IPMK: variants seen among roughly 807,000 people sequenced by gnomAD.
IPMK encodes the protein inositol 1,3,4,6-tetrakisphosphate 5-kinase.
A neutral mutation model predicts 45.8 loss-of-function variants in IPMK; 17 were observed. That is an observed-to-expected ratio of 0.37 (90% confidence interval 0.25 to 0.56). The LOEUF (loss-of-function observed/expected upper bound fraction) is 0.56. Ranked by LOEUF, IPMK falls within the 20% of genes least tolerant of loss-of-function variation. IPMK has a pLI of 0.79. For synonymous variants in IPMK, 180 were observed against 184.3 expected (o/e 0.98, Z 0.19); for missense variants, 399 against 498.0 (o/e 0.80, Z 1.89).
chr10:58,212,304 A>T (rs1014954793), intron 4 of IPMK, among the ~76,000 whole-genome samples: 3 of 152,232 alleles, frequency 2.0e-5, no homozygotes, highest in African/African-American at 7.2e-5. Flanking sequence ...TATGTATTAA[A>T]GTAAAAGGTA....
chr10:58,197,032 G>A (rs1034872435), intron 5 of IPMK, among the ~76,000 whole-genome samples: 15 of 152,194 alleles, frequency 9.9e-5, no homozygotes, highest in African/African-American at 3.4e-4. Context: ...TGGGCACGGT[G>A]GCTCACGCCT....
At chr10:58,242,200 G>A (rs1838704996) in intron 1 of IPMK, among the ~76,000 whole-genome samples, 1 of 152,134 alleles carries the variant, frequency 6.6e-6, no homozygotes, top group Non-Finnish European at 1.5e-5. Context: ...TGTTAAAGCT[G>A]TAATAGAAAA....
intron 3 of IPMK, among the ~76,000 whole-genome samples, chr10:58,225,547 A>C (rs1446247044): frequency 1.3e-5 from 2 of 152,148 alleles, no homozygotes; most frequent in African/African-American, 4.8e-5. Context: ...CTCTTATCCA[A>C]ATTCTTTCTG....
chr10:58,213,810 AG>A (rs1161360281), intron 4 of IPMK, among the ~76,000 whole-genome samples: 1 of 152,202 alleles, frequency 6.6e-6, no homozygotes, highest in Non-Finnish European at 1.5e-5. Context: ...TGTTTCAAGG[AG>A]GGTGTGGCTG....
chr10:58,267,161 T>TG (rs975657204), intron 1 of IPMK, among the ~76,000 whole-genome samples: 1 of 152,166 alleles, frequency 6.6e-6, no homozygotes, highest in Admixed American at 6.5e-5. Flanking sequence ...CCAACCTCCC[T>TG]GGGGGGTGGG....
At chr10:58,238,930 C>A (rs1398357514) in intron 1 of IPMK, among the ~76,000 whole-genome samples, 1 of 151,282 alleles carries the variant, frequency 6.6e-6, no homozygotes, top group Non-Finnish European at 1.5e-5. Flanking sequence ...TAGTCTGTGG[C>A]TGGAAGAGTT....
chr10:58,243,476 T>C (rs1339019147), intron 1 of IPMK, among the ~76,000 whole-genome samples: 1 of 152,176 alleles, frequency 6.6e-6, no homozygotes, highest in African/African-American at 2.4e-5. Context: ...CTCGGGTGAT[T>C]CTCCTGCCTC....
intron 2 of IPMK, among the ~76,000 whole-genome samples, chr10:58,230,260 G>C (rs548529361): frequency 6.6e-6 from 1 of 152,344 alleles, no homozygotes; most frequent in African/African-American, 2.4e-5. Context: ...AACTTCTGCA[G>C]ACTTAAACGT....
chr10:58,198,088 G>C (rs1837936224), intron 5 of IPMK, among the ~76,000 whole-genome samples: 1 of 152,104 alleles, frequency 6.6e-6, no homozygotes, highest in Admixed American at 6.5e-5. Flanking sequence ...CTCATTTAGA[G>C]CTAACTAAAA....
At chr10:58,201,499 T>C (rs1360888695) in intron 4 of IPMK, among the ~76,000 whole-genome samples, 2 of 152,220 alleles carry the variant, frequency 1.3e-5, no homozygotes, top group East Asian at 3.8e-4. Context: ...GATAAATATG[T>C]GTGTCCTGAC....
At chr10:58,208,791 C>T (rs888644949) in intron 4 of IPMK, among the ~76,000 whole-genome samples, 3 of 152,130 alleles carry the variant, frequency 2.0e-5, no homozygotes, top group Non-Finnish European at 1.5e-5. Context: ...TTGATGATTC[C>T]GGCTTCAGGC....
intron 4 of IPMK, among the ~76,000 whole-genome samples, chr10:58,203,291 G>A (rs1838022957): frequency 6.6e-6 from 1 of 152,154 alleles, no homozygotes; most frequent in Admixed American, 6.5e-5. Flanking sequence ...AACCGTGAAT[G>A]GATGAACAGT....
chr10:58,198,594 AC>A (rs1332625049), intron 5 of IPMK, among the ~76,000 whole-genome samples: 1 of 152,198 alleles, frequency 6.6e-6, no homozygotes, highest in East Asian at 1.9e-4. Context: ...TCTTCTACAA[AC>A]TTTTTACACT....
At position 58,216,132 on chromosome 10, in the gene IPMK, T is replaced by C. The variant is rs772437646; in HGVS notation, c.546+13A>G. On this transcript the variant is annotated intron_variant, in intron 4 of 5. Transcript: ENST00000373935. ...CAGAGAAATGTGCATATTATACTAA[T>C]AAGCACTCTTACCCTCATGCCAAGC... 39 of 1,561,978 alleles carry C rather than the reference T, an allele frequency of 2.5e-5. No homozygotes were observed. The Admixed American group carries it at 4.2e-4, about 17-fold the overall frequency.
At chr10:58,214,391 TA>T (rs374959025) in intron 4 of IPMK, among the ~76,000 whole-genome samples, 28 of 152,172 alleles carry the variant, frequency 1.8e-4, no homozygotes, top group African/African-American at 6.8e-4. Context: ...AGTCATCTGC[TA>T]AAAGTCAGAA....
At chr10:58,221,799 A>G (rs1364864879) in intron 3 of IPMK, among the ~76,000 whole-genome samples, 1 of 150,668 alleles carries the variant, frequency 6.6e-6, no homozygotes, top group Non-Finnish European at 1.5e-5. Flanking sequence ...CCCAGGCTGG[A>G]GTGCAGTGGT....
At chr10:58,236,740 C>T (rs1416650769) in intron 2 of IPMK, among the ~76,000 whole-genome samples, 1 of 143,750 alleles carries the variant, frequency 7.0e-6, no homozygotes, top group Non-Finnish European at 1.5e-5. Context: ...CCTCTCTCTA[C>T]AAAAAAAAAA....
At position 58,267,412 on chromosome 10, in the gene IPMK, C is replaced by G; in HGVS notation, c.190+10G>C. 6.2e-7 allele frequency: 1 copy of G among 1,612,976 alleles called. No individual in the cohort carries two copies. ...AGGGGAGCGGCGAGACCTATGCCAC[C>G]CCCACTTACCCACTTTGTCCTTCCC... On this transcript the variant is annotated intron_variant, in intron 1 of 5. Transcript: ENST00000373935.
At chr10:58,248,986 C>T (rs1838844714) in intron 1 of IPMK, among the ~76,000 whole-genome samples, 1 of 152,200 alleles carries the variant, frequency 6.6e-6, no homozygotes, top group Admixed American at 6.5e-5. Flanking sequence ...AATATAGCTA[C>T]AATAAACAGG....
Sources: allele counts gnomAD v4.1 joint callset (sites outside exome capture counted in the v4.1 genomes callset), GRCh38; gene constraint gnomAD v4.1.1; transcripts MANE v1.5; gene names NCBI Gene and HGNC (gene_info 2026-07-23, HGNC 2026-07-21).